The following ZC3H12B variants were observed in gnomAD, a reference collection of about 807,000 sequenced individuals.
The protein encoded by ZC3H12B is probable ribonuclease ZC3H12B.
In ZC3H12B, 7 loss-of-function variants were observed where a neutral mutation model predicts 43.9. That is an observed-to-expected ratio of 0.16 (90% CI 0.09 to 0.30). The LOEUF (loss-of-function observed/expected upper bound fraction) is 0.30. Among genes scored for constraint, ZC3H12B ranks in the 10% least tolerant of loss-of-function variants. ZC3H12B has a pLI of 1.00. For missense variants in ZC3H12B, 475 were observed against 670.2 expected (o/e 0.71, Z 3.22); for synonymous variants, 222 against 241.7 (o/e 0.92, Z 0.76).
the ZC3H12B span, among the ~76,000 whole-genome samples, chrX:65,235,201 T>C: frequency 1.8e-5 from 2 of 111,571 alleles, no homozygotes; most frequent in Non-Finnish European, 3.8e-5. Context: ...TTTCTTTGGG[T>C]ATATACCCAG....
At chrX:65,270,239 A>C in the ZC3H12B span, among the ~76,000 whole-genome samples, 1 of 111,959 alleles carries the variant, frequency 8.9e-6, no homozygotes, top group Non-Finnish European at 1.9e-5. Context: ...AACACATATG[A>C]TCAACTAATT....
chrX:65,164,660 A>T, the ZC3H12B span, among the ~76,000 whole-genome samples: 1 of 112,131 alleles, frequency 8.9e-6, no homozygotes, highest in East Asian at 2.8e-4. Flanking sequence ...ATAAGGTTAG[A>T]AGCAAGGTGG....
chrX:65,045,046 A>C, the ZC3H12B span, among the ~76,000 whole-genome samples: 4 of 111,330 alleles, frequency 3.6e-5, no homozygotes, highest in African/African-American at 9.8e-5. Context: ...AAAAATCTTA[A>C]TTCTTTTAAT....
At chrX:65,076,978 T>A in the ZC3H12B span, among the ~76,000 whole-genome samples, 1 of 111,909 alleles carries the variant, frequency 8.9e-6, no homozygotes, top group African/African-American at 3.2e-5. Flanking sequence ...GCATAAGGAA[T>A]GATTTTCCAT....
the ZC3H12B span, among the ~76,000 whole-genome samples, chrX:65,071,289 G>GTTTTTTTTTTTTT: frequency 1.2e-5 from 1 of 80,634 alleles, no homozygotes; most frequent in African/African-American, 4.8e-5. Context: ...CTTTTTTTCA[G>GTTTTTTTTTTTTT]TTTTTTTTTT....
chrX:65,448,859 G>A (rs1230831879), intron 3 of ZC3H12B, among the ~76,000 whole-genome samples: 4 of 95,462 alleles, frequency 4.2e-5, no homozygotes, highest in Middle Eastern at 5.1e-3. Context: ...AAGGAAAGAA[G>A]GGAGGAAGGG....
chrX:65,505,265 G>A (rs2068414181), exon 5 of ZC3H12B: 1 of 112,260 alleles, frequency 8.9e-6, no homozygotes, highest in South Asian at 3.7e-4. Context: ...ATGAGAAGGT[G>A]TGACACTGCC....
the ZC3H12B span, among the ~76,000 whole-genome samples, chrX:65,121,666 C>G: frequency 9.0e-6 from 1 of 111,015 alleles, no homozygotes; most frequent in Non-Finnish European, 1.9e-5. Context: ...CTGCTGTGAT[C>G]TTAGTTATTT....
Position 65,375,111 on chromosome X carries a change from G to T in ZC3H12B, n.295+6113G>T, listed in dbSNP as rs761181269. On this transcript the variant is annotated intron_variant and non_coding_transcript_variant, in intron 2 of 5. Transcript: ENST00000617377. Reference sequence around the variant, plus strand: ...TGTGTGGTGTGAGAAAATAATCTGTGTTCTTGGGAAAGGGAGGGTACAGCG... The same window carrying T: ...TGTGTGGTGTGAGAAAATAATCTGTTTTCTTGGGAAAGGGAGGGTACAGCG... 1.4e-4 allele frequency among the ~76,000 whole-genome samples: 16 copies of T among 111,772 alleles called. No homozygotes were observed. The South Asian group carries it at 5.3e-3, about 37-fold the overall frequency.
chrX:65,158,078 C>T, the ZC3H12B span, among the ~76,000 whole-genome samples: 1 of 107,874 alleles, frequency 9.3e-6, no homozygotes, highest in African/African-American at 3.3e-5. Context: ...CAATTTCATC[C>T]ATGTCCCTAC....
intron 3 of ZC3H12B, among the ~76,000 whole-genome samples, chrX:65,452,879 C>CACACACACACACACA (rs767117957): frequency 1.9e-5 from 2 of 106,756 alleles, no homozygotes; most frequent in African/African-American, 7.1e-5. Flanking sequence ...CACACACACA[C>CACACACACACACACA]CATGTTCATG....
intron 3 of ZC3H12B, among the ~76,000 whole-genome samples, chrX:65,409,143 A>G (rs2066872577): frequency 9.0e-6 from 1 of 111,248 alleles, no homozygotes; most frequent in South Asian, 3.8e-4. Context: ...AAGAAAAGTA[A>G]TTTATTCTGT....
chrX:65,153,241 A>T, the ZC3H12B span, among the ~76,000 whole-genome samples: 1 of 112,241 alleles, frequency 8.9e-6, no homozygotes. Flanking sequence ...ATGGGATCTA[A>T]TTAAACTAAA....
the ZC3H12B span, among the ~76,000 whole-genome samples, chrX:65,249,338 C>T: frequency 9.0e-6 from 1 of 111,701 alleles, no homozygotes; most frequent in Non-Finnish European, 1.9e-5. Context: ...GTATCCTATC[C>T]CTACTTTATG....
At chrX:65,168,095 G>A in the ZC3H12B span, among the ~76,000 whole-genome samples, 2 of 111,685 alleles carry the variant, frequency 1.8e-5, no homozygotes, top group Non-Finnish European at 3.8e-5. Flanking sequence ...AGTGAGAGAG[G>A]ACATCCCTGT....
chrX:65,245,037 A>G, the ZC3H12B span, among the ~76,000 whole-genome samples: 1 of 111,380 alleles, frequency 9.0e-6, no homozygotes, highest in Non-Finnish European at 1.9e-5. Context: ...AGATCATCAC[A>G]ATCGGAAATG....
intron 3 of ZC3H12B, among the ~76,000 whole-genome samples, chrX:65,448,683 G>T (rs2067415656): frequency 9.1e-6 from 1 of 109,742 alleles, no homozygotes; most frequent in African/African-American, 3.3e-5. Flanking sequence ...TGGACGTGGT[G>T]GCACATGCCT....
chrX:65,195,528 G>A, the ZC3H12B span, among the ~76,000 whole-genome samples: 1 of 111,939 alleles, frequency 8.9e-6, no homozygotes, highest in Non-Finnish European at 1.9e-5. Context: ...TACTATCTAT[G>A]TATATCTTAT....
the ZC3H12B span, among the ~76,000 whole-genome samples, chrX:65,337,394 A>G: frequency 8.9e-6 from 1 of 112,454 alleles, no homozygotes; most frequent in Non-Finnish European, 1.9e-5. Context: ...TAAAGGAATA[A>G]AAGAATGGCT....
Sources: allele counts gnomAD v4.1 joint callset (sites outside exome capture counted in the v4.1 genomes callset), GRCh38; gene constraint gnomAD v4.1.1; transcripts MANE v1.5; gene names NCBI Gene and HGNC (gene_info 2026-07-23, HGNC 2026-07-21).